SYCP1: variants seen among roughly 807,000 people sequenced by gnomAD.
The protein encoded by SYCP1 is cancer/testis antigen 8.
Under a neutral mutation model 153.1 loss-of-function variants are expected in SYCP1, and 64 were observed. The ratio of observed to expected loss-of-function variants is 0.42; its 90% CI spans 0.34 to 0.51. SYCP1 has a LOEUF of 0.51. Among genes scored for constraint, SYCP1 ranks in the 20% least tolerant of loss-of-function variants. The pLI is 0.06. For missense variants in SYCP1, 997 were observed against 1,049.0 expected, an observed-to-expected ratio of 0.95 and a Z score of 0.68; for synonymous variants, 384 against 341.8, an observed-to-expected ratio of 1.12 and a Z score of -1.36.
chr1:114,856,128 T>G (rs923812597), intron 2 of SYCP1, among the ~76,000 whole-genome samples: 2 of 152,202 alleles, frequency 1.3e-5, no homozygotes, highest in Admixed American at 1.3e-4. Context: ...GATCCTTATA[T>G]TGGAGATGCA....
chr1:114,862,164 G>GA lies in SYCP1; in HGVS notation c.598+1357dup, dbSNP rs1664424125. Among the ~76,000 whole-genome samples the GA allele has an allele frequency of 2.6e-5, 4 of 152,064 alleles. No homozygotes were observed. The East Asian group carries it at 5.8e-4, about 22-fold the overall frequency. ...TTTTCAAAACTCTATGTATCTTCCA[G>GA]AATGTACCATACCACTACCAGCTCC... On this transcript the variant is annotated intron_variant, in intron 8 of 31. Transcript: ENST00000369522.
Position 114,874,567 on chromosome 1 carries a change from G to A in SYCP1, c.657+3G>A, listed in dbSNP as rs748973821. On this transcript the variant is annotated splice_donor_region_variant and intron_variant, in intron 9 of 31. Transcript: ENST00000369522. The stretch of plus-strand genomic sequence containing the variant: ...TGGATCTAAATAATAACATTGAGGT[G>A]AGTGTTAATGAAATCTGAGTATTTT... The A allele has an allele frequency of 5.1e-6, 8 of 1,553,798 alleles. No homozygotes were observed. The South Asian group carries it at 8.7e-5, about 17-fold the overall frequency.
intron 27 of SYCP1, among the ~76,000 whole-genome samples, chr1:114,970,872 G>A (rs893057384): frequency 6.6e-6 from 1 of 151,748 alleles, no homozygotes; most frequent in Non-Finnish European, 1.5e-5. Flanking sequence ...TTAGTATGCT[G>A]GTTTTCTCAA....
intron 20 of SYCP1, among the ~76,000 whole-genome samples, chr1:114,920,592 A>G (rs979119804): frequency 6.6e-6 from 1 of 152,048 alleles, no homozygotes; most frequent in Non-Finnish European, 1.5e-5. Flanking sequence ...GTTACCAGCT[A>G]TTATTTTACT....
intron 30 of SYCP1, among the ~76,000 whole-genome samples, chr1:114,991,904 C>A (rs1010967829): frequency 6.6e-6 from 1 of 151,626 alleles, no homozygotes; most frequent in Non-Finnish European, 1.5e-5. Context: ...TAGAAAATTG[C>A]GAAGACTCTT....
At chr1:114,891,175 G>A (rs1030519985) in intron 15 of SYCP1, among the ~76,000 whole-genome samples, 1 of 151,996 alleles carries the variant, frequency 6.6e-6, no homozygotes, top group Non-Finnish European at 1.5e-5. Flanking sequence ...CTTACATCTT[G>A]GTTAAAGTGG....
chr1:114,949,530 A>G (rs992415542), intron 27 of SYCP1, among the ~76,000 whole-genome samples: 4 of 152,190 alleles, frequency 2.6e-5, no homozygotes, highest in Admixed American at 6.5e-5. Context: ...TCCTTCTGCT[A>G]TGTGACTTGG....
intron 27 of SYCP1, among the ~76,000 whole-genome samples, chr1:114,964,586 C>T (rs1164848902): frequency 6.6e-6 from 1 of 152,068 alleles, no homozygotes; most frequent in Non-Finnish European, 1.5e-5. Context: ...TTTCAGTTTT[C>T]TGCATATGGC....
intron 23 of SYCP1, among the ~76,000 whole-genome samples, chr1:114,938,618 G>A (rs1175943156): frequency 6.6e-6 from 1 of 151,732 alleles, no homozygotes; most frequent in Non-Finnish European, 1.5e-5. Context: ...AAAAAAGAAT[G>A]AGTGGAAACT....
chr1:114,981,551 A>C, intron 29 of SYCP1, 39 bp downstream of exon 29: 1 of 1,505,226 alleles, frequency 6.6e-7, no homozygotes, highest in Non-Finnish European at 9.0e-7. Flanking sequence ...GTAATTTTTT[A>C]AATAAATAAA....
At chr1:114,889,910 A>G (rs1666586424) in intron 15 of SYCP1, among the ~76,000 whole-genome samples, 1 of 152,086 alleles carries the variant, frequency 6.6e-6, no homozygotes, top group Non-Finnish European at 1.5e-5. Flanking sequence ...AGAATTGTTT[A>G]ATTTAATGTC....
At chr1:114,960,301 G>A (rs1010562597) in intron 27 of SYCP1, among the ~76,000 whole-genome samples, 3 of 151,394 alleles carry the variant, frequency 2.0e-5, no homozygotes, top group African/African-American at 7.3e-5. Context: ...CCGAGTAGCT[G>A]GGATCACAGG....
At chr1:114,857,407 C>G in intron 4 of SYCP1, 37 bp from the exon 5 acceptor site, 1 of 1,556,200 alleles carries the variant, frequency 6.4e-7, no homozygotes, top group Non-Finnish European at 8.7e-7. Flanking sequence ...AAGCTCTTAT[C>G]AGAAGTATTT....
chr1:114,913,013 C>A lies in SYCP1; in HGVS notation c.1530-20C>A, dbSNP rs1356942551. The A allele has an allele frequency of 4.3e-6, 6 of 1,393,622 alleles. No individual in the cohort carries two copies. The highest frequency in any genetic ancestry group is 2.1e-5 in the Admixed American group (1 of 48,102). The allele number at this position is 1,393,622 out of a possible 1,614,324, so 86.3% of individuals were successfully genotyped here. On this transcript the variant is annotated intron_variant, in intron 18 of 31. Transcript: ENST00000369522. ...TACATTTGTAAATATTTTGGTATGA[C>A]TTTTTTTTTTAAAAAATAGGCTTAA... is the stretch of plus-strand genomic sequence containing the variant.
intron 12 of SYCP1, among the ~76,000 whole-genome samples, chr1:114,882,326 T>C (rs559551469): frequency 3.9e-5 from 6 of 152,354 alleles, no homozygotes; most frequent in African/African-American, 1.4e-4. Flanking sequence ...TTTCTATACC[T>C]TATCCTAATT....
intron 10 of SYCP1, among the ~76,000 whole-genome samples, chr1:114,876,342 T>A (rs1364890802): frequency 2.0e-5 from 3 of 152,024 alleles, no homozygotes; most frequent in African/African-American, 7.2e-5. Context: ...TAAAACTACA[T>A]CTTTCATGAA....
intron 21 of SYCP1, among the ~76,000 whole-genome samples, chr1:114,925,850 TGA>T (rs2101737731): frequency 6.6e-6 from 1 of 152,280 alleles, no homozygotes; most frequent in African/African-American, 2.4e-5. Flanking sequence ...TTTTTTTAAC[TGA>T]GAGAAATTAT....
chr1:114,854,443 C>G (rs1423354604), upstream of SYCP1, among the ~76,000 whole-genome samples: 1 of 152,222 alleles, frequency 6.6e-6, no homozygotes, highest in Non-Finnish European at 1.5e-5. Context: ...GCCTAGCCAA[C>G]TCTCCATTCA....
intron 8 of SYCP1, among the ~76,000 whole-genome samples, chr1:114,873,205 C>T (rs926880518): frequency 1.3e-5 from 2 of 152,036 alleles, no homozygotes; most frequent in African/African-American, 4.8e-5. Context: ...TTTTAGTATG[C>T]TTGTATTTTT....
Sources: allele counts gnomAD v4.1 joint callset (sites outside exome capture counted in the v4.1 genomes callset), GRCh38; gene constraint gnomAD v4.1.1; transcripts MANE v1.5; gene names NCBI Gene and HGNC (gene_info 2026-07-23, HGNC 2026-07-21).